TTC27: variants seen among roughly 807,000 people sequenced by gnomAD.
The protein encoded by TTC27 is tetratricopeptide repeat domain 27.
A neutral mutation model predicts 115.9 loss-of-function variants in TTC27; 79 were observed. The ratio of observed to expected loss-of-function variants is 0.68; its 90% confidence interval spans 0.57 to 0.82. TTC27 has a LOEUF of 0.82. TTC27 is among the 40% of genes least tolerant of loss of function. TTC27 has a pLI of 0.00. For synonymous variants in TTC27, 401 were observed against 356.0 expected, an observed-to-expected ratio of 1.13 and a Z score of -1.42; for missense variants, 1,054 against 993.1, an observed-to-expected ratio of 1.06 and a Z score of -0.82.
At position 32,736,817 on chromosome 2, in the gene TTC27, GTA is replaced by G. The variant is rs774018306; in HGVS notation, c.1452+3_1452+4del. 1 of 1,613,408 alleles carries G rather than the reference GTA, an allele frequency of 6.2e-7. No individual in the cohort carries two copies. Among genetic ancestry groups the G allele is most frequent in the Non-Finnish European group, 8.5e-7 (1 of 1,179,596 alleles). On this transcript the variant is annotated splice_donor_variant and splice_donor_region_variant and intron_variant, in intron 12 of 19. Coordinates refer to ENST00000317907, the MANE Select transcript of TTC27 (RefSeq NM_017735.5). LOFTEE classifies it high-confidence loss of function. ...TGAAAGAGCCGGGCAGCACGGAAAG[GTA>G]TGTAATAGTCCAATTTGATGTACTG...
chr2:32,634,732 C>T (rs1664347111), intron 3 of TTC27, among the ~76,000 whole-genome samples: 1 of 152,126 alleles, frequency 6.6e-6, no homozygotes, highest in Non-Finnish European at 1.5e-5. Flanking sequence ...TCTCAGCTCA[C>T]TGCAACCTCT....
chr2:32,809,574 G>A (rs1373190872), intron 16 of TTC27, among the ~76,000 whole-genome samples: 2 of 152,084 alleles, frequency 1.3e-5, no homozygotes, highest in African/African-American at 4.8e-5. Flanking sequence ...CAGTGCTGTC[G>A]GTCCATGGAC....
At chr2:32,763,715 C>T (rs1572590711) in intron 13 of TTC27, among the ~76,000 whole-genome samples, 1 of 152,138 alleles carries the variant, frequency 6.6e-6, no homozygotes, top group Non-Finnish European at 1.5e-5. Context: ...GTCTATGGTG[C>T]ATTCATTAGA....
At chr2:32,757,630 A>AT (rs572766854) in intron 12 of TTC27, among the ~76,000 whole-genome samples, 5 of 151,298 alleles carry the variant, frequency 3.3e-5, no homozygotes, top group East Asian at 3.9e-4. Context: ...AGCTGTGCAC[A>AT]TTTTTTTTTA....
chr2:32,737,976 A>G lies in TTC27; in HGVS notation c.1452+1160A>G, dbSNP rs114228798. 3.6e-3 allele frequency among the ~76,000 whole-genome samples: 543 copies of G among 152,290 alleles called. 2 individuals are homozygous for G. The highest frequency in any genetic ancestry group is 0.011 in the African/African-American group (468 of 41,556). On this transcript the variant is annotated intron_variant, in intron 12 of 19. Coordinates refer to ENST00000317907, the MANE Select transcript of TTC27 (RefSeq NM_017735.5). ...GGCTACAGTGAGTTGTGATCATGCCACCGCACTGCAGCCTAGACGACACAG... is the reference window on the plus strand; with the variant it reads ...GGCTACAGTGAGTTGTGATCATGCCGCCGCACTGCAGCCTAGACGACACAG...
intron 13 of TTC27, among the ~76,000 whole-genome samples, chr2:32,775,897 G>A (rs992140089): frequency 3.9e-5 from 6 of 152,094 alleles, no homozygotes; most frequent in Non-Finnish European, 8.8e-5. Context: ...TTACATGTTA[G>A]CATCAGACTT....
intron 10 of TTC27, chr2:32,704,771 GT>G: frequency 2.3e-6 from 1 of 439,138 alleles, no homozygotes; most frequent in South Asian, 1.7e-5. Flanking sequence ...TTCAGTTTGA[GT>G]TTGTCTGATG....
At chr2:32,664,521 A>G in intron 6 of TTC27, 54 bp downstream of exon 6, 1 of 1,485,672 alleles carries the variant, frequency 6.7e-7, no homozygotes, top group Non-Finnish European at 9.1e-7. Flanking sequence ...AAAACTATAT[A>G]CATTGGCAGT....
chr2:32,673,701 T>G (rs1666095058), intron 8 of TTC27, among the ~76,000 whole-genome samples: 1 of 152,276 alleles, frequency 6.6e-6, no homozygotes, highest in Admixed American at 6.5e-5. Flanking sequence ...ATTTTGTAAT[T>G]AACATTTTAT....
At chr2:32,671,042 A>G (rs192417704) in intron 7 of TTC27, among the ~76,000 whole-genome samples, 63 of 151,254 alleles carry the variant, frequency 4.2e-4, no homozygotes, top group Non-Finnish European at 7.8e-4. Flanking sequence ...CTGGAGCTTG[A>G]CTTTTTGTCT....
intron 13 of TTC27, among the ~76,000 whole-genome samples, chr2:32,762,799 G>A (rs151028910): frequency 8.9e-4 from 135 of 152,278 alleles, no homozygotes; most frequent in African/African-American, 3.1e-3. Context: ...ATGCCACCAT[G>A]CCCAGCTAAT....
intron 9 of TTC27, among the ~76,000 whole-genome samples, chr2:32,684,967 A>G (rs1454366186): frequency 4.0e-5 from 6 of 150,924 alleles, no homozygotes; most frequent in Admixed American, 4.0e-4. Context: ...AACAACTGCA[A>G]ATACCTTCAC....
intron 5 of TTC27, among the ~76,000 whole-genome samples, chr2:32,663,437 C>A (rs1336556001): frequency 6.6e-6 from 1 of 152,134 alleles, no homozygotes. Context: ...GTTCCACGAC[C>A]CCTTGTGCTT....
chr2:32,675,427 C>T (rs2151886036), intron 8 of TTC27, among the ~76,000 whole-genome samples: 1 of 152,240 alleles, frequency 6.6e-6, no homozygotes, highest in African/African-American at 2.4e-5. Flanking sequence ...AGAAAATGCT[C>T]ATCTTTTCTG....
intron 10 of TTC27, among the ~76,000 whole-genome samples, chr2:32,711,617 G>T (rs1667584079): frequency 6.6e-6 from 1 of 152,148 alleles, no homozygotes; most frequent in African/African-American, 2.4e-5. Context: ...TTCCACAGCA[G>T]TGTAAAGTGA....
At chr2:32,680,959 T>A (rs996836954) in intron 9 of TTC27, among the ~76,000 whole-genome samples, 2 of 152,152 alleles carry the variant, frequency 1.3e-5, no homozygotes, top group African/African-American at 4.8e-5. Flanking sequence ...ACCTGTGAAG[T>A]AATTAGTAAC....
intron 10 of TTC27, among the ~76,000 whole-genome samples, chr2:32,729,095 T>G (rs1393357216): frequency 6.6e-6 from 1 of 152,192 alleles, no homozygotes; most frequent in Non-Finnish European, 1.5e-5. Flanking sequence ...GATTATCAGC[T>G]AATTTCTACC....
chr2:32,709,405 T>C (rs1209269826), intron 10 of TTC27, among the ~76,000 whole-genome samples: 4 of 152,188 alleles, frequency 2.6e-5, no homozygotes, highest in African/African-American at 9.7e-5. Flanking sequence ...CTGAAATGCT[T>C]GGGACCAGAA....
At chr2:32,763,476 A>T (rs1372326903) in intron 13 of TTC27, among the ~76,000 whole-genome samples, 1 of 152,216 alleles carries the variant, frequency 6.6e-6, no homozygotes, top group Non-Finnish European at 1.5e-5. Flanking sequence ...CCTCTTAATA[A>T]CTTTCTAAAG....
Sources: allele counts gnomAD v4.1 joint callset (sites outside exome capture counted in the v4.1 genomes callset), GRCh38; gene constraint gnomAD v4.1.1; transcripts MANE v1.5; gene names NCBI Gene and HGNC (gene_info 2026-07-23, HGNC 2026-07-21).